Variants in PTPN14 observed in about 807,000 individuals in gnomAD.
PTPN14 encodes tyrosine-protein phosphatase non-receptor type 14.
PTPN14 carries 53 observed loss-of-function variants against 126.8 expected under a neutral mutation model. That is an observed-to-expected ratio of 0.42 (90% confidence interval 0.34 to 0.53). PTPN14 has a LOEUF of 0.53. PTPN14 is among the 20% of genes least tolerant of loss of function. The pLI is 0.08. For missense variants in PTPN14, 1,257 were observed against 1,552.9 expected (o/e 0.81, Z 3.20); for synonymous variants, 630 against 599.3 (o/e 1.05, Z -0.75).
chr1:214,372,706 C>T lies in PTPN14; in HGVS notation c.3036+5G>A, dbSNP rs781461690. On this transcript the variant is annotated splice_donor_5th_base_variant and intron_variant, in intron 16 of 18. Coordinates refer to ENST00000366956, the MANE Select transcript of PTPN14 (RefSeq NM_005401.5). ...AAAGGATGTGGAGTAGGCCATTCCC[C>T]TTACCTCCTCTGCAGTGACCATGGC... The T allele has an allele frequency of 4.3e-6, 7 of 1,614,100 alleles. No homozygotes were observed. The highest frequency in any genetic ancestry group is 5.9e-6 in the Non-Finnish European group (7 of 1,179,998).
At chr1:214,397,685 C>T (rs1435129072) in intron 8 of PTPN14, among the ~76,000 whole-genome samples, 4 of 152,138 alleles carry the variant, frequency 2.6e-5, no homozygotes, top group Non-Finnish European at 4.4e-5. Context: ...CCTTCTAACT[C>T]AATAGAGTTC....
rs115384881 is a variant in PTPN14, at chr1:214,393,251, C to T, written c.929+444G>A. ...TCAGATGACATGACCCAGGAGCACACGCAGGGTTAGCCAACTGTGTAAGCG... is the reference window on the plus strand; with the variant it reads ...TCAGATGACATGACCCAGGAGCACATGCAGGGTTAGCCAACTGTGTAAGCG... On this transcript the variant is annotated intron_variant, in intron 10 of 18. Coordinates refer to ENST00000366956, the MANE Select transcript of PTPN14 (RefSeq NM_005401.5). 8.7e-3 allele frequency among the ~76,000 whole-genome samples: 1,321 copies of T among 152,328 alleles called. 7 individuals carry two copies. Among genetic ancestry groups the T allele is most frequent in the Admixed American group, 0.017 (258 of 15,298 alleles).
chr1:214,358,883 C>T (rs1657887317), intron 18 of PTPN14, among the ~76,000 whole-genome samples: 1 of 151,614 alleles, frequency 6.6e-6, no homozygotes, highest in African/African-American at 2.4e-5. Flanking sequence ...GCTGGGATTA[C>T]AGGTGCGCAC....
intron 1 of PTPN14, among the ~76,000 whole-genome samples, chr1:214,523,264 T>C (rs1361080883): frequency 6.6e-6 from 1 of 152,182 alleles, no homozygotes; most frequent in African/African-American, 2.4e-5. Context: ...TTTTCTTATA[T>C]ACCTCTTACT....
chr1:214,491,319 GC>G (rs1661246863), intron 1 of PTPN14, among the ~76,000 whole-genome samples: 1 of 152,132 alleles, frequency 6.6e-6, no homozygotes, highest in Admixed American at 6.5e-5. Flanking sequence ...ATCTACAGCG[GC>G]TGTGGGCTGC....
chr1:214,456,479 G>T (rs114400532), intron 2 of PTPN14, among the ~76,000 whole-genome samples: 2,359 of 152,294 alleles, frequency 0.015, 30 homozygotes, highest in Non-Finnish European at 0.023. Flanking sequence ...CGGTAGAAAA[G>T]AACTTGTGTG....
chr1:214,438,376 A>G (rs1323158271), intron 3 of PTPN14, among the ~76,000 whole-genome samples: 1 of 152,114 alleles, frequency 6.6e-6, no homozygotes, highest in Non-Finnish European at 1.5e-5. Context: ...GCTCCCTCAT[A>G]TGGGACTGGA....
chr1:214,458,238 A>C (rs931901597), intron 2 of PTPN14, among the ~76,000 whole-genome samples: 1 of 151,910 alleles, frequency 6.6e-6, no homozygotes, highest in Non-Finnish European at 1.5e-5. Flanking sequence ...TTTTGTAGAG[A>C]TGGATCTCAC....
chr1:214,489,614 C>A (rs1661188184), intron 1 of PTPN14, among the ~76,000 whole-genome samples: 1 of 152,188 alleles, frequency 6.6e-6, no homozygotes, highest in Admixed American at 6.5e-5. Flanking sequence ...TGGACATAGA[C>A]TCCCTCTCTC....
At chr1:214,415,370 T>G (rs17788099) in intron 3 of PTPN14, among the ~76,000 whole-genome samples, 4,997 of 152,300 alleles carry the variant, frequency 0.033, 109 homozygotes, top group Middle Eastern at 0.071. Flanking sequence ...GTGTACTGTT[T>G]CCCTACCAAT....
chr1:214,549,461 G>T (rs1656051172), intron 1 of PTPN14, among the ~76,000 whole-genome samples: 1 of 152,156 alleles, frequency 6.6e-6, no homozygotes, highest in Non-Finnish European at 1.5e-5. Context: ...ACATACAGAT[G>T]AACGAATTTT....
intron 1 of PTPN14, among the ~76,000 whole-genome samples, chr1:214,507,846 A>C (rs951952139): frequency 6.6e-6 from 1 of 152,156 alleles, no homozygotes; most frequent in African/African-American, 2.4e-5. Context: ...CTTAATTTTA[A>C]AATGCTTTAT....
intron 1 of PTPN14, among the ~76,000 whole-genome samples, chr1:214,483,897 C>A (rs916090336): frequency 2.6e-5 from 4 of 152,162 alleles, no homozygotes; most frequent in Admixed American, 2.0e-4. Flanking sequence ...AAACACAGAG[C>A]AGGCCAGTTG....
At chr1:214,471,539 G>C (rs1357865108) in intron 1 of PTPN14, among the ~76,000 whole-genome samples, 3 of 151,820 alleles carry the variant, frequency 2.0e-5, no homozygotes, top group Non-Finnish European at 4.4e-5. Context: ...AGTATGCTAG[G>C]TTTGCTCAAA....
At chr1:214,541,209 A>T (rs1210732369) in intron 1 of PTPN14, among the ~76,000 whole-genome samples, 1 of 152,156 alleles carries the variant, frequency 6.6e-6, no homozygotes, top group African/African-American at 2.4e-5. Flanking sequence ...AATCATATAC[A>T]CATTAAAGAA....
At chr1:214,409,274 T>C (rs553974009) in intron 5 of PTPN14, among the ~76,000 whole-genome samples, 30 of 152,382 alleles carry the variant, frequency 2.0e-4, no homozygotes, top group African/African-American at 7.2e-4. Flanking sequence ...TTCCACTCTC[T>C]ACATCTATAA....
chr1:214,505,906 A>T (rs1264597969), intron 1 of PTPN14, among the ~76,000 whole-genome samples: 29 of 152,130 alleles, frequency 1.9e-4, no homozygotes, highest in Admixed American at 1.9e-3. Flanking sequence ...AAAAAAATCG[A>T]GTTTGTAATA....
intron 1 of PTPN14, among the ~76,000 whole-genome samples, chr1:214,524,161 A>G (rs1352015677): frequency 1.3e-5 from 2 of 151,986 alleles, no homozygotes; most frequent in African/African-American, 2.4e-5. Flanking sequence ...ACTAGATTCT[A>G]TAGTATGCTA....
chr1:214,457,150 T>C (rs898224469), intron 2 of PTPN14, among the ~76,000 whole-genome samples: 1 of 152,234 alleles, frequency 6.6e-6, no homozygotes, highest in Non-Finnish European at 1.5e-5. Context: ...GTTTCTTATC[T>C]TTATAATCTC....
Sources: allele counts gnomAD v4.1 joint callset (sites outside exome capture counted in the v4.1 genomes callset), GRCh38; gene constraint gnomAD v4.1.1; transcripts MANE v1.5; gene names NCBI Gene and HGNC (gene_info 2026-07-23, HGNC 2026-07-21).